The following CEP44 variants were observed in gnomAD, a reference collection of about 807,000 sequenced individuals.
The protein encoded by CEP44 is centrosomal protein 44, also known as centrosomal protein of 44 kDa.
Under a neutral mutation model 46.7 loss-of-function variants are expected in CEP44, and 45 were observed. That is an observed-to-expected ratio of 0.96 (90% CI 0.76 to 1.24). CEP44 has a LOEUF of 1.24. Ranked by LOEUF, CEP44 falls within the 50% of genes most tolerant of loss-of-function variation. The pLI is 0.00. For missense variants in CEP44, 475 were observed against 459.7 expected, an observed-to-expected ratio of 1.03 and a Z score of -0.30; for synonymous variants, 142 against 146.0, an observed-to-expected ratio of 0.97 and a Z score of 0.20.
In CEP44 at chr4:174,317,866, A is replaced by G. The variant is rs1192605955; in HGVS notation, c.*483A>G. 1 of 985,652 alleles carries G rather than the reference A, an allele frequency of 1.0e-6. No individual in the cohort carries two copies. The allele number at this position is 985,652 out of a possible 1,614,324, so 61.1% of individuals were successfully genotyped here. ...AAATGCTCATTGAAAATTAAATAAA[A>G]CAAAAAGGCAGTTATTTCATGCTTG... On this transcript the variant is annotated 3_prime_UTR_variant, in exon 12 of 12. Transcript: ENST00000503780.
intron 1 of CEP44, among the ~76,000 whole-genome samples, chr4:174,295,549 G>A (rs1039860580): frequency 2.0e-5 from 3 of 151,220 alleles, no homozygotes; most frequent in Non-Finnish European, 3.0e-5. Flanking sequence ...GACGATGGGC[G>A]GCCAGGCAGA....
Position 174,317,858 on chromosome 4 carries a change from T to C in CEP44, c.*475T>C, listed in dbSNP as rs1041897159. 4.1e-6 allele frequency: 4 copies of C among 985,588 alleles called. No homozygotes were observed. The African/African-American group carries it at 5.2e-5, about 13-fold the overall frequency. The allele number at this position is 985,588 out of a possible 1,614,324, so 61.1% of individuals were successfully genotyped here. A position where few individuals can be genotyped will look rare whatever the true frequency, so the allele number is the denominator to read the frequency against. ...ACAGTTAAAAATGCTCATTGAAAAT[T>C]AAATAAAACAAAAAGGCAGTTATTT... On this transcript the variant is annotated 3_prime_UTR_variant, in exon 12 of 12. Transcript: ENST00000503780.
rs1359516685 is a variant in CEP44, at chr4:174,288,521, C to T, written c.-148+4578C>T. ...AGATTTCACATACATTGAGATAATACAGTATTTGTCTTTTTGTGTTTAGCT... is the reference window on the plus strand; with the variant it reads ...AGATTTCACATACATTGAGATAATATAGTATTTGTCTTTTTGTGTTTAGCT... On this transcript the variant is annotated intron_variant, in intron 1 of 11. Coordinates refer to ENST00000503780, the MANE Select transcript of CEP44 (RefSeq NM_001040157.3). The surrounding 1 kb of genome is among the most constrained non-coding windows in gnomAD (Gnocchi z 4.6). Among the ~76,000 whole-genome samples the T allele has an allele frequency of 5.9e-5, 9 of 152,044 alleles. No individual in the cohort carries two copies. Among genetic ancestry groups the T allele is most frequent in the Admixed American group, 5.9e-4 (9 of 15,256 alleles).
rs1742077668 is a variant in CEP44, at chr4:174,319,317, A to G, written c.*1934A>G. 1.0e-6 allele frequency: 1 copy of G among 981,474 alleles called. No individual in the cohort carries two copies. Among genetic ancestry groups the G allele is most frequent in the Non-Finnish European group, 1.2e-6 (1 of 826,448 alleles). The allele number at this position is 981,474 out of a possible 1,614,324, so 60.8% of individuals were successfully genotyped here. A position where few individuals can be genotyped will look rare whatever the true frequency, so the allele number is the denominator to read the frequency against. On this transcript the variant is annotated 3_prime_UTR_variant, in exon 12 of 12. Transcript: ENST00000503780. The stretch of plus-strand genomic sequence containing the variant: ...TAGTTATAAGGGAAAAAACTTCTGT[A>G]TCGATTAACTCCTAAAATATCAGTA...
At chr4:174,302,235 A>T in intron 4 of CEP44, 49 bp downstream of exon 4, 1 of 1,223,826 alleles carries the variant, frequency 8.2e-7, no homozygotes, top group South Asian at 1.4e-5. Flanking sequence ...AATGATTTTT[A>T]AAAATTAATG....
chr4:174,317,523 A>C lies in CEP44; in HGVS notation c.*140A>C. 3 of 1,203,256 alleles carry C rather than the reference A, an allele frequency of 2.5e-6. No individual in the cohort carries two copies. The highest frequency in any genetic ancestry group is 7.6e-5 in the South Asian group (2 of 26,436). 74.5% of individuals were successfully genotyped at this position (1,203,256 alleles called of 1,614,324 possible). A position where few individuals can be genotyped will look rare whatever the true frequency, so the allele number is the denominator to read the frequency against. On this transcript the variant is annotated 3_prime_UTR_variant, in exon 12 of 12. Coordinates refer to ENST00000503780, the MANE Select transcript of CEP44 (RefSeq NM_001040157.3). ...TTCCATTTGGTATATGAATTTTTGCATTCATTATTGAATAACTCTTTTAAT... is the reference window on the plus strand; with the variant it reads ...TTCCATTTGGTATATGAATTTTTGCCTTCATTATTGAATAACTCTTTTAAT...
chr4:174,286,410 T>C lies in CEP44; in HGVS notation c.-148+2467T>C, dbSNP rs565036060. Among the ~76,000 whole-genome samples, 13 of 152,382 alleles carry C rather than the reference T, an allele frequency of 8.5e-5. No individual in the cohort carries two copies. Among genetic ancestry groups the C allele is most frequent in the African/African-American group, 3.1e-4 (13 of 41,600 alleles). On this transcript the variant is annotated intron_variant, in intron 1 of 11. Coordinates refer to ENST00000503780, the MANE Select transcript of CEP44 (RefSeq NM_001040157.3). This position sits in a 1 kb window ranked among gnomAD's most constrained non-coding sequence, Gnocchi z 5.2. ...GCTTCACCTGATTTATGAATTGTTC[T>C]GTTTTCATTTTAATATAATGACTTC...
chr4:174,302,972 G>A (rs534199579), intron 4 of CEP44, among the ~76,000 whole-genome samples: 73 of 151,812 alleles, frequency 4.8e-4, no homozygotes, highest in Non-Finnish European at 6.9e-4. Context: ...TTAGTAGAGA[G>A]GGTTTCACCA....
In CEP44 at chr4:174,325,664, GAA is replaced by G. The variant is rs1289015792; in HGVS notation, c.1087-5814_1087-5813del. 5.9e-5 allele frequency among the ~76,000 whole-genome samples: 9 copies of G among 152,082 alleles called. No homozygotes were observed. Among genetic ancestry groups the G allele is most frequent in the African/African-American group, 2.2e-4 (9 of 41,510 alleles). Reference sequence around the variant, plus strand: ...AGCAAGACCCTGTCTCTAAAAATAAGAAAAAGAGAGGTGTTGAAGTCTCCAAC... The same window carrying G: ...AGCAAGACCCTGTCTCTAAAAATAAGAAAGAGAGGTGTTGAAGTCTCCAAC... On this transcript the variant is annotated intron_variant, in intron 8 of 8. Transcript: ENST00000426172. This position sits in a 1 kb window ranked among gnomAD's most constrained non-coding sequence, Gnocchi z 4.4.
Position 174,318,608 on chromosome 4 carries a change from A to AT in CEP44, c.*1233dup, listed in dbSNP as rs1246140702. On this transcript the variant is annotated 3_prime_UTR_variant, in exon 12 of 12. Transcript: ENST00000503780. Reference sequence around the variant, plus strand: ...TTCATTATTTGGAAGGAAAATTAGTATTTTTTTTAATATTATATGGACCAT... The same window carrying AT: ...TTCATTATTTGGAAGGAAAATTAGTATTTTTTTTTAATATTATATGGACCAT... The AT allele has an allele frequency of 1.3e-5, 9 of 708,058 alleles. No individual in the cohort carries two copies. The highest frequency in any genetic ancestry group is 1.3e-4 in the Admixed American group (2 of 15,844). The allele number at this position is 708,058 out of a possible 1,614,324, so 43.9% of individuals were successfully genotyped here. A position where few individuals can be genotyped will look rare whatever the true frequency, so the allele number is the denominator to read the frequency against.
upstream of CEP44, chr4:174,283,733 C>T: frequency 2.5e-6 from 1 of 397,596 alleles, no homozygotes. The surrounding 1 kb of genome is among the most constrained non-coding windows in gnomAD (Gnocchi z 6.7). Context: ...GTTTACGATT[C>T]GCTATAGATT....
At chr4:174,308,578 A>T in intron 6 of CEP44, 111 bp from the exon 7 acceptor site, 1 of 995,688 alleles carries the variant, frequency 1.0e-6, no homozygotes, top group Non-Finnish European at 1.5e-6. Context: ...CATGGCACAC[A>T]TTTACTTGTG....
rs1737988535 is a variant in CEP44, at chr4:174,289,871, C to T, written c.-148+5928C>T. Among the ~76,000 whole-genome samples, 2 of 148,906 alleles carry T rather than the reference C, an allele frequency of 1.3e-5. 1 individual carries two copies. The highest frequency in any genetic ancestry group is 4.2e-4 in the South Asian group (2 of 4,754). On this transcript the variant is annotated intron_variant, in intron 1 of 11. Coordinates refer to ENST00000503780, the MANE Select transcript of CEP44 (RefSeq NM_001040157.3). The stretch of plus-strand genomic sequence containing the variant: ...TTTTTCTTTGAGACAGAGTCTTGCT[C>T]TGTCACCAGGCTGGAGTGCAGTGGC...
intron 1 of CEP44, among the ~76,000 whole-genome samples, chr4:174,295,072 C>CA (rs1738785645): frequency 1.4e-5 from 2 of 145,562 alleles, no homozygotes; most frequent in South Asian, 2.2e-4. Flanking sequence ...GCTGGCCGGG[C>CA]GGGGGGCTGA....
Position 174,312,186 on chromosome 4 carries a change from T to G in CEP44, c.961+1328T>G, listed in dbSNP as rs1741158248. 6.6e-6 allele frequency among the ~76,000 whole-genome samples: 1 copy of G among 152,164 alleles called. No individual in the cohort carries two copies. The highest frequency in any genetic ancestry group is 2.4e-5 in the African/African-American group (1 of 41,448). On this transcript the variant is annotated intron_variant, in intron 9 of 11. Transcript: ENST00000503780. The surrounding 1 kb of genome is among the most constrained non-coding windows in gnomAD (Gnocchi z 4.5). ...AAACATTGCCTTTTTCAAGTTTGAT[T>G]TTGCATGCTCAGGCTTATTTTTTTT... is the stretch of plus-strand genomic sequence containing the variant.
At position 174,326,426 on chromosome 4, in the gene CEP44, C is replaced by A. The variant is rs1742673405; in HGVS notation, c.1087-5056C>A. On this transcript the variant is annotated intron_variant, in intron 8 of 8. Coordinates refer to the CEP44 transcript ENST00000426172. This position sits in a 1 kb window ranked among gnomAD's most constrained non-coding sequence, Gnocchi z 4.8. ...GCCTTACGATAATATACTTTTCATT[C>A]TTTCTGCGCCCGCCAAGCCTTTTTT... Among the ~76,000 whole-genome samples, 2 of 151,930 alleles carry A rather than the reference C, an allele frequency of 1.3e-5. No homozygotes were observed. Among genetic ancestry groups the A allele is most frequent in the Admixed American group, 1.3e-4 (2 of 15,222 alleles).
Position 174,326,961 on chromosome 4 carries a change from A to G in CEP44, c.1087-4521A>G, listed in dbSNP as rs1742708114. Among the ~76,000 whole-genome samples the G allele has an allele frequency of 6.6e-6, 1 of 151,858 alleles. No individual in the cohort carries two copies. ...TTCTCATTACCACTGATTTTCAGCA[A>G]TTAGAAGAGCTATGTAGAAAAACCA... On this transcript the variant is annotated intron_variant, in intron 8 of 8. Coordinates refer to the CEP44 transcript ENST00000426172. The surrounding 1 kb of genome is among the most constrained non-coding windows in gnomAD (Gnocchi z 4.8).
intron 1 of CEP44, among the ~76,000 whole-genome samples, chr4:174,293,689 T>G (rs750980347): frequency 6.6e-5 from 10 of 152,164 alleles, no homozygotes; most frequent in Non-Finnish European, 1.2e-4. Flanking sequence ...TTTAGGGGGT[T>G]TTTTTTGTTA....
rs964707092 is a variant in CEP44 at position 174,301,930 on chromosome 4, TAA to T, written c.90-108_90-107del. 8 of 983,648 alleles carry T rather than the reference TAA, an allele frequency of 8.1e-6. No individual in the cohort carries two copies. The African/African-American group carries it at 1.2e-4, about 14-fold the overall frequency. The allele number at this position is 983,648 out of a possible 1,614,324, so 60.9% of individuals were successfully genotyped here. On this transcript the variant is annotated intron_variant, in intron 3 of 11. Coordinates refer to ENST00000503780, the MANE Select transcript of CEP44 (RefSeq NM_001040157.3). The surrounding 1 kb of genome is among the most constrained non-coding windows in gnomAD (Gnocchi z 4.3). ...CACCTAATTATTATAGCTATAGTGT[TAA>T]GTTTTAAATTATTATAAACATTTCT...
Sources: gnomAD v4.1 joint callset for allele counts (sites outside exome capture counted in the v4.1 genomes callset) on GRCh38, gnomAD v4.1.1 for gene constraint, Gnocchi (gnomAD v3.1) non-coding constraint, MANE v1.5 for transcripts, NCBI Gene and HGNC (gene_info 2026-07-23, HGNC 2026-07-21) for gene names.